Variants in LEPR observed in about 807,000 individuals in gnomAD.
The protein encoded by LEPR is leptin receptor, also known as OB receptor.
Under a neutral mutation model 114.7 loss-of-function variants are expected in LEPR, and 56 were observed. The observed-to-expected ratio is 0.49, with a 90% CI of 0.39 to 0.61. LEPR has a LOEUF of 0.61. LEPR is among the 20% of genes least tolerant of loss of function. The probability of loss-of-function intolerance (pLI) is 0.00; values close to 1 mark genes in which losing one functional copy is unlikely to be tolerated. For synonymous variants in LEPR, 443 were observed against 461.4 expected (o/e 0.96, Z 0.51); for missense variants, 1,202 against 1,352.9 (o/e 0.89, Z 1.75).
intron 2 of LEPR, among the ~76,000 whole-genome samples, chr1:65,464,627 A>C (rs1472888641): frequency 2.6e-5 from 4 of 152,244 alleles, no homozygotes; most frequent in Non-Finnish European, 5.9e-5. Flanking sequence ...CACCTCTGGT[A>C]GAATTTGGCT....
At chr1:65,464,646 A>T (rs1646987101) in intron 2 of LEPR, among the ~76,000 whole-genome samples, 1 of 152,184 alleles carries the variant, frequency 6.6e-6, no homozygotes, top group African/African-American at 2.4e-5. Context: ...CTGTGAATCC[A>T]TCTGGTCCTG....
intron 2 of LEPR, among the ~76,000 whole-genome samples, chr1:65,467,475 AG>A (rs1647028956): frequency 6.6e-6 from 1 of 152,162 alleles, no homozygotes; most frequent in Non-Finnish European, 1.5e-5. Context: ...TTTCCCAGTA[AG>A]GCTACACGGG....
At chr1:65,550,398 G>T (rs1429048020) in intron 2 of LEPR, among the ~76,000 whole-genome samples, 1 of 152,194 alleles carries the variant, frequency 6.6e-6, no homozygotes, top group Admixed American at 6.5e-5. Context: ...CTTTTTGTTT[G>T]TCTGTGCCCT....
At chr1:65,609,807 T>A in intron 12 of LEPR, 140 bp from the exon 13 acceptor site, 2 of 1,216,992 alleles carry the variant, frequency 1.6e-6, no homozygotes, top group South Asian at 2.6e-5. Context: ...TAATTGTGAC[T>A]ATTTCTGAAG....
intron 5 of LEPR, 114 bp downstream of exon 5, chr1:65,572,563 T>C: frequency 1.8e-6 from 2 of 1,108,094 alleles, no homozygotes; most frequent in Non-Finnish European, 2.5e-6. Flanking sequence ...TATTATATGT[T>C]TTATTTTTTA....
intron 2 of LEPR, among the ~76,000 whole-genome samples, chr1:65,557,594 A>G (rs1159888772): frequency 6.6e-6 from 1 of 151,900 alleles, no homozygotes; most frequent in African/African-American, 2.4e-5. Context: ...TACTTTTTGT[A>G]TTTTTAGTAG....
rs761898928 is a variant in LEPR at position 65,636,586 on chromosome 1, T to C, written c.3069T>C (p.Ser1023=). The change falls in exon 20 of 20, where the codon TCT becomes TCC. Residue 1023 remains serine, a synonymous_variant. Coordinates refer to ENST00000349533, the MANE Select transcript of LEPR (RefSeq NM_002303.6). Reference sequence around the variant, plus strand: ...GCAAAAATTCTCCGTTGAAGGATTCTTTCTCTAATAGCTCATGGGAGATAG... The same window carrying C: ...GCAAAAATTCTCCGTTGAAGGATTCCTTCTCTAATAGCTCATGGGAGATAG... ...FSSKNSPLKD[S]FSNSSWEIEA... 12 of 1,614,028 alleles carry C rather than the reference T, an allele frequency of 7.4e-6. No individual in the cohort carries two copies. The highest frequency in any genetic ancestry group is 1.0e-5 in the Non-Finnish European group (12 of 1,180,012).
At chr1:65,484,704 G>A (rs1647396541) in intron 2 of LEPR, among the ~76,000 whole-genome samples, 1 of 152,132 alleles carries the variant, frequency 6.6e-6, no homozygotes, top group Non-Finnish European at 1.5e-5. Context: ...TAACTCATGG[G>A]GAAGGAAAGT....
At chr1:65,424,506 G>T (rs1290232736) in intron 1 of LEPR, among the ~76,000 whole-genome samples, 1 of 151,974 alleles carries the variant, frequency 6.6e-6, no homozygotes, top group African/African-American at 2.4e-5. Context: ...CATTGGATAG[G>T]GGTTAGGTAC....
intron 5 of LEPR, chr1:65,578,202 C>G (rs1217971348): frequency 1.3e-5 from 2 of 154,622 alleles, no homozygotes; most frequent in African/African-American, 5.4e-5. Flanking sequence ...TTATCCAGTC[C>G]ATCACTGAGG....
intron 2 of LEPR, among the ~76,000 whole-genome samples, chr1:65,499,574 G>A (rs2100518143): frequency 6.6e-6 from 1 of 152,182 alleles, no homozygotes; most frequent in African/African-American, 2.4e-5. Flanking sequence ...CAATTAGGAG[G>A]ATAAATTCCA....
intron 2 of LEPR, among the ~76,000 whole-genome samples, chr1:65,549,810 C>A (rs1037022627): frequency 1.3e-5 from 2 of 152,276 alleles, no homozygotes; most frequent in African/African-American, 4.8e-5. Context: ...TCTTCTCTCA[C>A]CTCGTCAAAG....
At chr1:65,552,815 G>C (rs1557658456) in intron 2 of LEPR, among the ~76,000 whole-genome samples, 1 of 152,218 alleles carries the variant, frequency 6.6e-6, no homozygotes, top group South Asian at 2.1e-4. Flanking sequence ...TAGTGTTGAT[G>C]GTCTTTACTA....
chr1:65,468,654 T>C (rs1647045317), intron 2 of LEPR, among the ~76,000 whole-genome samples: 1 of 152,182 alleles, frequency 6.6e-6, no homozygotes, highest in African/African-American at 2.4e-5. Flanking sequence ...GTTCAGTTTG[T>C]TTCTGCTCTG....
intron 6 of LEPR, among the ~76,000 whole-genome samples, chr1:65,595,026 G>T (rs1303774231): frequency 6.6e-6 from 1 of 151,980 alleles, no homozygotes; most frequent in Non-Finnish European, 1.5e-5. Flanking sequence ...GGAGTAGTAG[G>T]GGATTGCAGT....
intron 2 of LEPR, among the ~76,000 whole-genome samples, chr1:65,507,459 G>GTGTC (rs375120311): frequency 2.1e-5 from 3 of 139,556 alleles, no homozygotes; most frequent in African/African-American, 7.9e-5. Flanking sequence ...GTGTGTGTGT[G>GTGTC]TATATATATA....
At chr1:65,527,755 C>G (rs114471854) in intron 2 of LEPR, among the ~76,000 whole-genome samples, 2 of 152,100 alleles carry the variant, frequency 1.3e-5, no homozygotes, top group South Asian at 2.1e-4. Flanking sequence ...CTGGAAATGT[C>G]GTAAGTTACT....
At chr1:65,425,164 ACTAT>A (rs1646335022) in intron 1 of LEPR, 135 bp from the exon 2 acceptor site, 3 of 674,478 alleles carry the variant, frequency 4.4e-6, no homozygotes, top group Non-Finnish European at 7.8e-6. Flanking sequence ...AGCCATCACT[ACTAT>A]CTAATTCCAG....
chr1:65,556,740 G>T (rs561701386), intron 2 of LEPR, among the ~76,000 whole-genome samples: 1 of 152,150 alleles, frequency 6.6e-6, no homozygotes, highest in Non-Finnish European at 1.5e-5. Context: ...GGGATGGCCA[G>T]GGCAGGCTCC....
Sources: gnomAD v4.1 joint callset for allele counts (sites outside exome capture counted in the v4.1 genomes callset) on GRCh38, gnomAD v4.1.1 for gene constraint, MANE v1.5 for transcripts, NCBI Gene and HGNC (gene_info 2026-07-23, HGNC 2026-07-21) for gene names.